Variants in PLAAT5 observed in about 807,000 individuals in gnomAD.
PLAAT5 encodes Ca(2+)-independent N-acyltransferase.
A neutral mutation model predicts 27.8 loss-of-function variants in PLAAT5; 27 were observed. The ratio of observed to expected loss-of-function variants is 0.97; its 90% confidence interval spans 0.72 to 1.34. The LOEUF (loss-of-function observed/expected upper bound fraction) is 1.34. PLAAT5 is among the 40% of genes most tolerant of loss of function. The pLI is 0.00. For synonymous variants in PLAAT5, 125 were observed against 136.1 expected, an observed-to-expected ratio of 0.92 and a Z score of 0.57; for missense variants, 368 against 343.8, an observed-to-expected ratio of 1.07 and a Z score of -0.56.
chr11:63,466,180 T>C lies in PLAAT5; in HGVS notation c.647A>G (p.Tyr216Cys). 3 of 1,614,192 alleles carry C rather than the reference T, an allele frequency of 1.9e-6. No individual in the cohort carries two copies. The highest frequency in any genetic ancestry group is 1.6e-4 in the Middle Eastern group (1 of 6,062). ...CTCACAGTTCCCTTCAATCAGGCTG[T>C]ACTGCACGATCTTGTTGACCATCTT... Reference protein sequence around the residue: ...TKKMVNKIVQYSLIEGNCEHF... With the variant: ...TKKMVNKIVQCSLIEGNCEHF... Residue 216 changes from tyrosine (Y) to cysteine (C), a missense_variant, in exon 5 of 6, where the codon TAC (tyrosine) becomes TGC (cysteine). Physicochemically the swap from Tyr to Cys is radical, Grantham distance 194. Coordinates refer to ENST00000540857, the MANE Select transcript of PLAAT5 (RefSeq NM_001146729.2).
At chr11:63,476,129 T>C (rs192861450) in intron 3 of PLAAT5, among the ~76,000 whole-genome samples, 2 of 152,250 alleles carry the variant, frequency 1.3e-5, no homozygotes, top group East Asian at 3.9e-4. Context: ...ATTGATCTAA[T>C]ACAGCTTCAT....
At chr11:63,489,713 C>T (rs2016516048) in intron 2 of PLAAT5, among the ~76,000 whole-genome samples, 1 of 152,194 alleles carries the variant, frequency 6.6e-6, no homozygotes, top group Admixed American at 6.5e-5. Flanking sequence ...GGACACAGCA[C>T]ATGTAAACAT....
chr11:63,478,748 G>A (rs1389114553), intron 3 of PLAAT5, among the ~76,000 whole-genome samples: 1 of 152,042 alleles, frequency 6.6e-6, no homozygotes, highest in Non-Finnish European at 1.5e-5. Context: ...GCTGAGATCT[G>A]CACTCAGCCA....
chr11:63,489,560 C>T (rs551254402), intron 2 of PLAAT5, among the ~76,000 whole-genome samples: 11 of 152,166 alleles, frequency 7.2e-5, no homozygotes, highest in Non-Finnish European at 1.6e-4. Context: ...TAAAATACTT[C>T]GAAGCCAAAA....
intron 3 of PLAAT5, among the ~76,000 whole-genome samples, chr11:63,473,117 C>CA (rs879881991): frequency 1.4e-3 from 197 of 136,486 alleles, no homozygotes; most frequent in East Asian, 0.011. Context: ...GACTCTGCCT[C>CA]AAAAAAAAAA....
chr11:63,466,671 G>A (rs1217926865), intron 4 of PLAAT5, among the ~76,000 whole-genome samples: 1 of 152,190 alleles, frequency 6.6e-6, no homozygotes, highest in African/African-American at 2.4e-5. Context: ...CAAGTCCTAG[G>A]ATTTGAGTCT....
At chr11:63,469,145 T>TGTGTGTGTGTGTGAGAGA (rs377110717) in intron 3 of PLAAT5, among the ~76,000 whole-genome samples, 2 of 122,716 alleles carry the variant, frequency 1.6e-5, no homozygotes, top group African/African-American at 5.9e-5. Context: ...TGTGTGTGTG[T>TGTGTGTGTGTGTGAGAGA]GAGAGAGAGA....
rs1312325263 is a variant in PLAAT5 at position 63,461,490 on chromosome 11, G to A, written c.*2013C>T. 6.6e-6 allele frequency: 1 copy of A among 152,314 alleles called. No individual in the cohort carries two copies. The highest frequency in any genetic ancestry group is 1.9e-4 in the East Asian group (1 of 5,188). 9.4% of individuals were successfully genotyped at this position (152,314 alleles called of 1,614,324 possible). ...TTCTCCTCTCCACTCCATGAGGAGT[G>A]GGCATGTGCTTTATTATATCAACAA... is the stretch of plus-strand genomic sequence containing the variant. On this transcript the variant is annotated 3_prime_UTR_variant, in exon 6 of 6. Coordinates refer to ENST00000540857, the MANE Select transcript of PLAAT5 (RefSeq NM_001146729.2).
Position 63,490,933 on chromosome 11 carries a change from G to C in PLAAT5, c.102C>G (p.Pro34=), listed in dbSNP as rs377603046. The change falls in exon 1 of 6, where the codon CCC becomes CCG. Residue 34 remains proline (P), a synonymous_variant. Coordinates refer to ENST00000540857, the MANE Select transcript of PLAAT5 (RefSeq NM_001146729.2). The part of the protein sequence containing the change: ...KPASRTASTG[P]KDQPPALRRS... ...GTCTGAGCGCAGGCGGCTGGTCCTT[G>C]GGCCCGGTACTGGCGGTTCGCGAGG... 8.7e-6 allele frequency: 14 copies of C among 1,604,440 alleles called. No individual in the cohort carries two copies. The highest frequency in any genetic ancestry group is 2.7e-5 in the African/African-American group (2 of 74,178).
In PLAAT5 at chr11:63,490,411, G is replaced by C. The variant is rs1419583333; in HGVS notation, c.149-78C>G. On this transcript the variant is annotated intron_variant, in intron 1 of 5. Transcript: ENST00000540857. The stretch of plus-strand genomic sequence containing the variant: ...AGCACCTTGACCGCTACGGAGAGTG[G>C]GCTCAGAGCTCTAGTCTAGCATCGT... 3.1e-6 allele frequency: 5 copies of C among 1,609,632 alleles called. No individual in the cohort carries two copies. The South Asian group carries it at 5.5e-5, about 18-fold the overall frequency.
chr11:63,486,352 T>C (rs898195459), intron 3 of PLAAT5, among the ~76,000 whole-genome samples: 3 of 152,060 alleles, frequency 2.0e-5, no homozygotes, highest in African/African-American at 4.8e-5. Context: ...AGCAGCACAA[T>C]TCACAACTGC....
intron 3 of PLAAT5, among the ~76,000 whole-genome samples, chr11:63,482,059 T>TA (rs1021154972): frequency 1.5e-3 from 218 of 149,300 alleles, no homozygotes; most frequent in African/African-American, 5.1e-3. Context: ...AGTATAATAA[T>TA]AAAAAAAAAG....
At chr11:63,469,514 G>A (rs748877376) in intron 3 of PLAAT5, 4 of 240,260 alleles carry the variant, frequency 1.7e-5, no homozygotes, top group Non-Finnish European at 2.8e-5. Context: ...GCCAAAACAG[G>A]GTATAAAAGA....
At chr11:63,468,042 G>A (rs547890508) in intron 4 of PLAAT5, among the ~76,000 whole-genome samples, 98 of 152,338 alleles carry the variant, frequency 6.4e-4, no homozygotes, top group African/African-American at 2.3e-3. Context: ...GAAAGATGAG[G>A]ATAGATGCTC....
intron 3 of PLAAT5, among the ~76,000 whole-genome samples, chr11:63,481,018 T>A (rs1474687830): frequency 3.3e-5 from 5 of 152,238 alleles, no homozygotes; most frequent in Non-Finnish European, 7.3e-5. Context: ...TTCATTTCCA[T>A]AAGTTGTGCT....
intron 3 of PLAAT5, among the ~76,000 whole-genome samples, chr11:63,476,156 T>C (rs75823534): frequency 0.066 from 10,022 of 152,148 alleles, 699 homozygotes; most frequent in African/African-American, 0.17. Flanking sequence ...CCCTCTCCTT[T>C]GTGCTATTAC....
chr11:63,471,786 T>G lies in PLAAT5; in HGVS notation c.346-3321A>C, dbSNP rs539671694. The stretch of plus-strand genomic sequence containing the variant: ...TTCTGATTTAAGATTACAGGTGAAC[T>G]TAATTTTTTAAACAAAATTGTTTTT... On this transcript the variant is annotated intron_variant, in intron 3 of 5. Transcript: ENST00000540857. Among the ~76,000 whole-genome samples the G allele has an allele frequency of 2.6e-5, 4 of 152,350 alleles. No homozygotes were observed. The East Asian group carries it at 7.7e-4, about 29-fold the overall frequency.
At chr11:63,476,228 A>C (rs1424104121) in intron 3 of PLAAT5, among the ~76,000 whole-genome samples, 2 of 152,060 alleles carry the variant, frequency 1.3e-5, no homozygotes, top group African/African-American at 2.4e-5. Flanking sequence ...AACTAGTTTT[A>C]TTCAATTACC....
chr11:63,467,081 C>T (rs1333896706), intron 4 of PLAAT5, among the ~76,000 whole-genome samples: 1 of 152,200 alleles, frequency 6.6e-6, no homozygotes, highest in Non-Finnish European at 1.5e-5. Context: ...AGTAGCACTG[C>T]TACAACCATG....
Sources: allele counts gnomAD v4.1 joint callset (sites outside exome capture counted in the v4.1 genomes callset), GRCh38; gene constraint gnomAD v4.1.1; transcripts MANE v1.5; gene names NCBI Gene and HGNC (gene_info 2026-07-23, HGNC 2026-07-21).